The following TAFA5 variants were observed in gnomAD, a reference collection of about 807,000 sequenced individuals.
The protein encoded by TAFA5 is TAFA chemokine like family member 5, also known as chemokine-like protein TAFA-5.
In TAFA5, 6 loss-of-function variants were observed where a neutral mutation model predicts 15.3. That is an observed-to-expected ratio of 0.39 (90% CI 0.21 to 0.77). TAFA5 has a LOEUF of 0.77. TAFA5 is among the 30% of genes least tolerant of loss of function. TAFA5 has a pLI of 0.41. For synonymous variants in TAFA5, 103 were observed against 80.7 expected (o/e 1.28, Z -1.48); for missense variants, 161 against 193.1 (o/e 0.83, Z 0.98).
intron 1 of TAFA5, among the ~76,000 whole-genome samples, chr22:48,523,826 C>G (rs770150285): frequency 2.0e-5 from 3 of 152,198 alleles, no homozygotes; most frequent in South Asian, 4.1e-4. Context: ...TGGGTGTGGA[C>G]GCAGGGTCCT....
chr22:48,632,934 G>C (rs1926285627), intron 1 of TAFA5, among the ~76,000 whole-genome samples: 1 of 152,216 alleles, frequency 6.6e-6, no homozygotes, highest in Non-Finnish European at 1.5e-5. Context: ...AGCATCCTCA[G>C]TTCCACTAGA....
intron 2 of TAFA5, among the ~76,000 whole-genome samples, chr22:48,662,357 G>C (rs758486801): frequency 5.9e-5 from 9 of 152,168 alleles, no homozygotes; most frequent in Non-Finnish European, 1.3e-4. Context: ...GGATCACTCT[G>C]ATGGCCTTCT....
intron 1 of TAFA5, among the ~76,000 whole-genome samples, chr22:48,547,575 G>C (rs80232780): frequency 1.3e-5 from 2 of 152,222 alleles, no homozygotes; most frequent in Non-Finnish European, 2.9e-5. Flanking sequence ...AATAGTGACA[G>C]TAATGGGGAG....
intron 2 of TAFA5, among the ~76,000 whole-genome samples, chr22:48,706,444 G>A (rs1023708237): frequency 5.9e-5 from 9 of 152,200 alleles, no homozygotes; most frequent in Non-Finnish European, 1.2e-4. Flanking sequence ...CCATCCACTT[G>A]GCACGTAGAG....
intron 1 of TAFA5, among the ~76,000 whole-genome samples, chr22:48,586,801 G>C (rs1252652726): frequency 6.6e-6 from 1 of 152,252 alleles, no homozygotes; most frequent in African/African-American, 2.4e-5. Context: ...GTGTTCTCTA[G>C]AGAGTTCCTC....
At chr22:48,749,764 A>G in intron 3 of TAFA5, 75 bp from the exon 4 acceptor site, 1 of 1,521,588 alleles carries the variant, frequency 6.6e-7, no homozygotes, top group South Asian at 1.2e-5. Flanking sequence ...CGGGGAGGGA[A>G]GAGGAGCCTG....
chr22:48,570,038 T>A (rs1268945201), intron 1 of TAFA5, among the ~76,000 whole-genome samples: 2 of 152,192 alleles, frequency 1.3e-5, no homozygotes, highest in Non-Finnish European at 2.9e-5. Flanking sequence ...AGATCACCCC[T>A]CTTTCTGGCT....
At chr22:48,646,091 C>T (rs567834621) in intron 1 of TAFA5, among the ~76,000 whole-genome samples, 45 of 152,268 alleles carry the variant, frequency 3.0e-4, no homozygotes, top group African/African-American at 7.7e-4. Flanking sequence ...TCCCTGGCAG[C>T]GTGGCTGGTT....
At chr22:48,669,180 G>T (rs1479583775) in intron 2 of TAFA5, among the ~76,000 whole-genome samples, 2 of 152,192 alleles carry the variant, frequency 1.3e-5, no homozygotes, top group Admixed American at 1.3e-4. Context: ...CCAGTCCCTG[G>T]AACTGGGAGA....
At chr22:48,520,365 C>T (rs1921560753) in intron 1 of TAFA5, among the ~76,000 whole-genome samples, 1 of 152,260 alleles carries the variant, frequency 6.6e-6, no homozygotes, top group African/African-American at 2.4e-5. Context: ...GTGTTGGCTG[C>T]TTCCATCCTT....
At chr22:48,649,992 C>T (rs1926997105) in intron 2 of TAFA5, among the ~76,000 whole-genome samples, 1 of 152,202 alleles carries the variant, frequency 6.6e-6, no homozygotes, top group Admixed American at 6.5e-5. Flanking sequence ...GTACTGTTTT[C>T]AAGGGAGGCC....
intron 3 of TAFA5, among the ~76,000 whole-genome samples, chr22:48,720,247 G>A (rs760421988): frequency 1.1e-4 from 16 of 152,062 alleles, no homozygotes; most frequent in Non-Finnish European, 1.6e-4. Flanking sequence ...GTTTGTCTGA[G>A]TGACATGATC....
chr22:48,505,786 G>A (rs1388736300), intron 1 of TAFA5, among the ~76,000 whole-genome samples: 1 of 152,242 alleles, frequency 6.6e-6, no homozygotes, highest in Non-Finnish European at 1.5e-5. Flanking sequence ...AAAACTTACA[G>A]GGCTCAGAAA....
At chr22:48,537,135 T>C (rs1178395877) in intron 1 of TAFA5, among the ~76,000 whole-genome samples, 2 of 145,424 alleles carry the variant, frequency 1.4e-5, no homozygotes, top group Non-Finnish European at 3.0e-5. Context: ...CCAGATGGCT[T>C]GGTGCTGGCA....
intron 3 of TAFA5, among the ~76,000 whole-genome samples, chr22:48,736,725 A>C (rs1930039800): frequency 6.6e-6 from 1 of 152,226 alleles, no homozygotes; most frequent in African/African-American, 2.4e-5. Context: ...CGAGTGAAGG[A>C]AGCCAGTCAC....
chr22:48,621,491 C>G (rs867029868), intron 1 of TAFA5, among the ~76,000 whole-genome samples: 3 of 152,070 alleles, frequency 2.0e-5, no homozygotes, highest in African/African-American at 7.2e-5. Flanking sequence ...CTTCTGCTCA[C>G]TCTGGCCGGG....
intron 1 of TAFA5, among the ~76,000 whole-genome samples, chr22:48,642,224 G>A (rs973320345): frequency 1.3e-5 from 2 of 152,196 alleles, no homozygotes; most frequent in Non-Finnish European, 2.9e-5. Context: ...GGGAGGCCTC[G>A]CCACTGTCCC....
At chr22:48,707,026 G>T (rs952585504) in intron 2 of TAFA5, among the ~76,000 whole-genome samples, 1 of 152,210 alleles carries the variant, frequency 6.6e-6, no homozygotes, top group East Asian at 1.9e-4. Context: ...TGGGGAGCCA[G>T]TGCCCCCATC....
At chr22:48,492,060 T>C (rs950798990) in intron 1 of TAFA5, among the ~76,000 whole-genome samples, 4 of 152,018 alleles carry the variant, frequency 2.6e-5, no homozygotes, top group Non-Finnish European at 5.9e-5. Flanking sequence ...TTAAAACATT[T>C]CACTAAAATA....
Sources: allele counts gnomAD v4.1 joint callset (sites outside exome capture counted in the v4.1 genomes callset), GRCh38; gene constraint gnomAD v4.1.1; transcripts MANE v1.5; gene names NCBI Gene and HGNC (gene_info 2026-07-23, HGNC 2026-07-21).